Variants in MAP3K15 observed in about 807,000 individuals in gnomAD.
MAP3K15 encodes the protein mitogen-activated protein kinase kinase kinase 15.
In MAP3K15, 124 loss-of-function variants were observed where a neutral mutation model predicts 99.5. That is an observed-to-expected ratio of 1.25 (90% CI 1.08 to 1.45). The LOEUF (loss-of-function observed/expected upper bound fraction) is 1.45. MAP3K15 is among the 40% of genes most tolerant of loss of function. MAP3K15 has a pLI of 0.00. For synonymous variants in MAP3K15, 494 were observed against 439.6 expected (o/e 1.12, Z -1.55); for missense variants, 1,242 against 1,079.7 (o/e 1.15, Z -2.11).
In MAP3K15 at chrX:19,437,929, A is replaced by G. The variant is rs182644070; in HGVS notation, c.996-6321T>C. On this transcript the variant is annotated intron_variant, in intron 6 of 28. Coordinates refer to ENST00000338883, the MANE Select transcript of MAP3K15 (RefSeq NM_001001671.4). ...TAGTTTAAAAACTCTGCAGTATGAC[A>G]TATTTTCACAGTATGTAAAGTACAT... 2.1e-3 allele frequency among the ~76,000 whole-genome samples: 233 copies of G among 112,202 alleles called. 1 individual carries two copies. Among genetic ancestry groups the G allele is most frequent in the Non-Finnish European group, 2.5e-3 (133 of 53,319 alleles).
intron 6 of MAP3K15, among the ~76,000 whole-genome samples, chrX:19,448,570 C>T (rs1209675684): frequency 3.7e-5 from 4 of 108,257 alleles, no homozygotes; most frequent in South Asian, 4.2e-4. Context: ...CCCCTGTCCC[C>T]GAAAAAAAAT....
At position 19,445,954 on chromosome X, in the gene MAP3K15, C is replaced by CAATAAATA. The variant is rs58332212; in HGVS notation, c.995+10951_995+10958dup. 3.9e-3 allele frequency among the ~76,000 whole-genome samples: 399 copies of CAATAAATA among 103,585 alleles called. 2 individuals carry two copies. The highest frequency in any genetic ancestry group is 0.011 in the African/African-American group (316 of 28,189). The allele number at this position is 103,585 out of a possible 115,157, so 90.0% of individuals were successfully genotyped here. ...AAGAGCGAAACTCCATCTCAAAAAT[C>CAATAAATA]AATAAATAAATAAATAAATAAATAA... On this transcript the variant is annotated intron_variant, in intron 6 of 28. Transcript: ENST00000338883.
chrX:19,488,804 C>A, intron 2 of MAP3K15, 24 bp downstream of exon 2: 1 of 1,178,309 alleles, frequency 8.5e-7, no homozygotes, highest in South Asian at 1.9e-5. Context: ...ACAAAGTACT[C>A]AGGAGAAGGT....
intron 1 of MAP3K15, among the ~76,000 whole-genome samples, chrX:19,506,625 C>T (rs1480855263): frequency 2.7e-5 from 3 of 111,244 alleles, no homozygotes; most frequent in Non-Finnish European, 3.8e-5. Flanking sequence ...CGGGTTCAAG[C>T]GATTCTCCTG....
At position 19,515,426 on chromosome X, in the gene MAP3K15, C is replaced by T. The variant is rs1046415506; in HGVS notation, c.-165G>A. On this transcript the variant is annotated 5_prime_UTR_variant, in exon 1 of 29. Transcript: ENST00000338883. ...GCGCACCGGGGACCCCGCGGCGGGC[C>T]GAAGACGGCAGTACCCCTAGGCTGC... Among the ~76,000 whole-genome samples, 1 of 112,588 alleles carries T rather than the reference C, an allele frequency of 8.9e-6. No homozygotes were observed. The highest frequency in any genetic ancestry group is 1.9e-5 in the Non-Finnish European group (1 of 53,061).
chrX:19,377,291 C>T lies in MAP3K15; in HGVS notation c.2590-2631G>A, dbSNP rs189349683. On this transcript the variant is annotated intron_variant, in intron 19 of 28. Transcript: ENST00000338883. ...CATACAGGCGGGGCACGGTGGCTCTCGCCTGTTATCCCAGCACTTTGGGAC... is the reference window on the plus strand; with the variant it reads ...CATACAGGCGGGGCACGGTGGCTCTTGCCTGTTATCCCAGCACTTTGGGAC... 3.1e-3 allele frequency among the ~76,000 whole-genome samples: 350 copies of T among 112,542 alleles called. 2 individuals are homozygous for T. The highest frequency in any genetic ancestry group is 9.2e-3 in the African/African-American group (285 of 31,021).
chrX:19,425,756 C>T, intron 8 of MAP3K15, 66 bp from the exon 9 acceptor site: 1 of 1,027,841 alleles, frequency 9.7e-7, no homozygotes, highest in African/African-American at 1.9e-5. Flanking sequence ...TGAGGATAAG[C>T]AGGTATTTTA....
chrX:19,491,810 A>G (rs1486493186), intron 1 of MAP3K15, among the ~76,000 whole-genome samples: 1 of 110,293 alleles, frequency 9.1e-6, no homozygotes, highest in African/African-American at 3.3e-5. Flanking sequence ...TGGCCTCCAG[A>G]GTAGCTGGGA....
chrX:19,420,077 A>G (rs1226964284), intron 9 of MAP3K15, among the ~76,000 whole-genome samples: 75 of 112,267 alleles, frequency 6.7e-4, no homozygotes, highest in Admixed American at 4.4e-3. Context: ...AATGCCCACA[A>G]GAGAAAGCAG....
In MAP3K15 at chrX:19,360,385, C is replaced by A. The variant is rs1266121114; in HGVS notation, c.*364G>T. ...GTACTTTTTTTGAGACAGGGTCGGG[C>A]TCTGTTGCCCAGGCTGGAGTGCAGT... is the stretch of plus-strand genomic sequence containing the variant. On this transcript the variant is annotated 3_prime_UTR_variant, in exon 29 of 29. Transcript: ENST00000338883. 1.2e-5 allele frequency: 2 copies of A among 162,614 alleles called. No homozygotes were observed. Among genetic ancestry groups the A allele is most frequent in the Non-Finnish European group, 2.3e-5 (2 of 87,463 alleles). The allele number at this position is 162,614 out of a possible 1,213,427, so 13.4% of individuals were successfully genotyped here. A position where few individuals can be genotyped will look rare whatever the true frequency, so the allele number is the denominator to read the frequency against.
chrX:19,364,528 C>T (rs767205940), intron 25 of MAP3K15, among the ~76,000 whole-genome samples: 2 of 111,714 alleles, frequency 1.8e-5, no homozygotes, highest in East Asian at 5.6e-4. Context: ...GAAACCAGAA[C>T]TCCTCCCCAA....
intron 21 of MAP3K15, 33 bp from the exon 22 acceptor site, chrX:19,372,860 G>A (rs758670703): frequency 2.6e-5 from 31 of 1,182,522 alleles, no homozygotes; most frequent in East Asian, 2.4e-4. Flanking sequence ...ATCTCTGTGC[G>A]TGCCGGGGCA....
At chrX:19,449,711 A>C (rs1424378187) in intron 6 of MAP3K15, among the ~76,000 whole-genome samples, 1 of 109,551 alleles carries the variant, frequency 9.1e-6, no homozygotes, top group Non-Finnish European at 1.9e-5. Flanking sequence ...TTTTTTCTGC[A>C]AATACCTATA....
chrX:19,410,424 C>T (rs949155940), intron 11 of MAP3K15, among the ~76,000 whole-genome samples: 20 of 111,894 alleles, frequency 1.8e-4, no homozygotes, highest in African/African-American at 6.5e-4. Flanking sequence ...ACTACAATTC[C>T]CAGCCTCCCT....
intron 9 of MAP3K15, among the ~76,000 whole-genome samples, chrX:19,420,456 C>T (rs759620958): frequency 0.019 from 2,126 of 110,960 alleles, 52 homozygotes; most frequent in African/African-American, 0.066. Context: ...ATAAATTCCT[C>T]GACACATACA....
At chrX:19,485,501 A>G (rs1413122462) in intron 3 of MAP3K15, among the ~76,000 whole-genome samples, 1 of 109,312 alleles carries the variant, frequency 9.1e-6, no homozygotes, top group African/African-American at 3.3e-5. Flanking sequence ...TCATGCTCCA[A>G]TAGTAATCAC....
At chrX:19,468,078 G>A (rs1183540283) in intron 3 of MAP3K15, among the ~76,000 whole-genome samples, 7 of 111,643 alleles carry the variant, frequency 6.3e-5, no homozygotes, top group Admixed American at 9.6e-5. Flanking sequence ...AGAAAGGCAG[G>A]CTGTAAGAAC....
intron 1 of MAP3K15, among the ~76,000 whole-genome samples, chrX:19,501,614 G>C (rs147237513): frequency 0.029 from 3,308 of 112,199 alleles, 50 homozygotes; most frequent in Non-Finnish European, 0.043. Flanking sequence ...TATCTCAACA[G>C]GAGAAGCCAG....
At chrX:19,451,451 A>T (rs191865776) in intron 6 of MAP3K15, among the ~76,000 whole-genome samples, 3,167 of 102,932 alleles carry the variant, frequency 0.031, 139 homozygotes, top group African/African-American at 0.1. Context: ...TATATATAAA[A>T]AAAAAAACCC....
Sources: gnomAD v4.1 joint callset for allele counts (sites outside exome capture counted in the v4.1 genomes callset) on GRCh38, gnomAD v4.1.1 for gene constraint, MANE v1.5 for transcripts, NCBI Gene and HGNC (gene_info 2026-07-23, HGNC 2026-07-21) for gene names.